The following TP53AIP1 variants were observed in gnomAD, a reference collection of about 807,000 sequenced individuals.
TP53AIP1 encodes p53-regulated apoptosis-inducing protein 1.
TP53AIP1 carries 14 observed loss-of-function variants against 9.5 expected under a neutral mutation model. That is an observed-to-expected ratio of 1.47 (90% CI 0.97 to 2.30). The LOEUF (loss-of-function observed/expected upper bound fraction) is 2.30. Among genes scored for constraint, TP53AIP1 ranks in the 30% most tolerant of loss-of-function variants. The pLI is 0.00. For synonymous variants in TP53AIP1, 73 were observed against 61.2 expected, an observed-to-expected ratio of 1.19 and a Z score of -0.90; for missense variants, 153 against 146.7, an observed-to-expected ratio of 1.04 and a Z score of -0.22.
chr11:128,942,287 C>T (rs1393765538), intron 1 of TP53AIP1, among the ~76,000 whole-genome samples: 1 of 152,196 alleles, frequency 6.6e-6, no homozygotes, highest in Non-Finnish European at 1.5e-5. Context: ...AAGTGGCCTC[C>T]ATACAGGCTT....
At position 128,935,550 on chromosome 11, in the gene TP53AIP1, T is replaced by C; in HGVS notation, c.*41A>G. 6.5e-7 allele frequency: 1 copy of C among 1,527,922 alleles called. No homozygotes were observed. Among genetic ancestry groups the C allele is most frequent in the Non-Finnish European group, 8.7e-7 (1 of 1,144,178 alleles). The allele number at this position is 1,527,922 out of a possible 1,614,324, so 94.6% of individuals were successfully genotyped here. A position where few individuals can be genotyped will look rare whatever the true frequency, so the allele number is the denominator to read the frequency against. On this transcript the variant is annotated 3_prime_UTR_variant, in exon 4 of 4. Transcript: ENST00000531399. ...TGTTTTTGTTTTGAGATGGAGTCTC[T>C]CTCTGTCGCCCAGGCTGGAGTGCAG...
intron 1 of TP53AIP1, among the ~76,000 whole-genome samples, chr11:128,938,644 A>G (rs1944882701): frequency 6.6e-6 from 1 of 152,112 alleles, no homozygotes; most frequent in Non-Finnish European, 1.5e-5. Context: ...CCCAGGGTCT[A>G]GGGAGAAGCT....
chr11:128,935,034 C>A (rs1319127056), downstream of TP53AIP1: 1 of 703,038 alleles, frequency 1.4e-6, no homozygotes, highest in Admixed American at 2.0e-5. Flanking sequence ...GCCAGGCAAG[C>A]TCTTACTGCA....
chr11:128,935,156 C>A, downstream of TP53AIP1: 1 of 865,122 alleles, frequency 1.2e-6, no homozygotes, highest in Non-Finnish European at 1.9e-6. Flanking sequence ...GGGCCCGGGG[C>A]TTGCTGGTTG....
Position 128,937,380 on chromosome 11 carries a change from C to G in TP53AIP1, c.141+298G>C. ...TCACTTTCTGGATGCAGCCAGGCACCACCTTCCTTCCAAAAGCCTTGTTTC... is the reference window on the plus strand; with the variant it reads ...TCACTTTCTGGATGCAGCCAGGCACGACCTTCCTTCCAAAAGCCTTGTTTC... On this transcript the variant is annotated intron_variant, in intron 2 of 3. Transcript: ENST00000531399. This position sits in a 1 kb window ranked among gnomAD's most constrained non-coding sequence, Gnocchi z 4.8. 7.0e-7 allele frequency: 1 copy of G among 1,426,786 alleles called. No individual in the cohort carries two copies. Among genetic ancestry groups the G allele is most frequent in the South Asian group, 1.5e-5 (1 of 64,926 alleles). 88.4% of individuals were successfully genotyped at this position (1,426,786 alleles called of 1,614,324 possible).
rs780459380 is a variant in TP53AIP1 at position 128,936,682 on chromosome 11, T to G, written c.142-33A>C. 3.9e-6 allele frequency: 6 copies of G among 1,547,820 alleles called. No individual in the cohort carries two copies. The South Asian group carries it at 7.1e-5, about 18-fold the overall frequency. The stretch of plus-strand genomic sequence containing the variant: ...GAAATGGAAGCAGACTGTGAGGCCC[T>G]GCAGCGCCGTCTCTTGGATGGTTTA... On this transcript the variant is annotated intron_variant, in intron 2 of 3. Coordinates refer to ENST00000531399, the MANE Select transcript of TP53AIP1 (RefSeq NM_022112.3).
At chr11:128,934,746 T>C (rs1944776572), downstream of TP53AIP1, 2 of 421,142 alleles carry the variant, frequency 4.7e-6, no homozygotes, top group Admixed American at 7.6e-5. Flanking sequence ...GTGCACATCA[T>C]TTATTTGGAA....
intron 1 of TP53AIP1, among the ~76,000 whole-genome samples, chr11:128,941,148 G>T (rs905212834): frequency 6.6e-6 from 1 of 152,124 alleles, no homozygotes; most frequent in South Asian, 2.1e-4. Flanking sequence ...GAGGAAATGG[G>T]ACTTGCTCCA....
downstream of TP53AIP1, chr11:128,935,126 A>T (rs2136015408): frequency 1.4e-6 from 1 of 719,248 alleles, no homozygotes; most frequent in Non-Finnish European, 2.5e-6. Flanking sequence ...TGTCCACTGC[A>T]GCTGGGGGAC....
chr11:128,936,325 C>A, intron 3 of TP53AIP1: 1 of 1,354,460 alleles, frequency 7.4e-7, no homozygotes, highest in Non-Finnish European at 9.5e-7. Flanking sequence ...TTAAGTGTAC[C>A]GTTACCTTTT....
Position 128,937,036 on chromosome 11 carries a change from G to A in TP53AIP1, c.142-387C>T, listed in dbSNP as rs1182239917. On this transcript the variant is annotated intron_variant, in intron 2 of 3. Coordinates refer to ENST00000531399, the MANE Select transcript of TP53AIP1 (RefSeq NM_022112.3). This position sits in a 1 kb window ranked among gnomAD's most constrained non-coding sequence, Gnocchi z 4.8. ...TGTGGGCCTCCAGGGAGGTGTAGGC[G>A]CTCCTGGCTCCTGGCAGACTCCTGG... 6 of 1,050,470 alleles carry A rather than the reference G, an allele frequency of 5.7e-6. No homozygotes were observed. Among genetic ancestry groups the A allele is most frequent in the East Asian group, 1.6e-4 (2 of 12,364 alleles). 65.1% of individuals were successfully genotyped at this position (1,050,470 alleles called of 1,614,324 possible). A position where few individuals can be genotyped will look rare whatever the true frequency, so the allele number is the denominator to read the frequency against.
chr11:128,938,629 G>A (rs965601117), intron 1 of TP53AIP1, among the ~76,000 whole-genome samples: 12 of 152,168 alleles, frequency 7.9e-5, no homozygotes, highest in Middle Eastern at 3.4e-3. Flanking sequence ...GCAAGTCCCC[G>A]GTGGCCCAGG....
At chr11:128,941,821 C>T (rs2136029288) in intron 1 of TP53AIP1, among the ~76,000 whole-genome samples, 1 of 152,354 alleles carries the variant, frequency 6.6e-6, no homozygotes, top group South Asian at 2.1e-4. Flanking sequence ...CCCCACCCAC[C>T]TTCCCCTGCT....
At chr11:128,936,027 CA>C in intron 3 of TP53AIP1, 1 of 810,346 alleles carries the variant, frequency 1.2e-6, no homozygotes, top group Non-Finnish European at 1.5e-6. Context: ...TCATTTTACC[CA>C]CACAGTGAAT....
At position 128,936,129 on chromosome 11, in the gene TP53AIP1, C is replaced by T; in HGVS notation, c.253+409G>A. The T allele has an allele frequency of 3.0e-6, 3 of 1,004,038 alleles. No individual in the cohort carries two copies. In the South Asian group the frequency reaches 1.2e-4, roughly 39 times the overall value. The allele number at this position is 1,004,038 out of a possible 1,614,324, so 62.2% of individuals were successfully genotyped here. ...TTGTCCTGCCCATGTACACACAGCTCCTAAGTGGTAGAGTCAGGATTTGAA... is the reference window on the plus strand; with the variant it reads ...TTGTCCTGCCCATGTACACACAGCTTCTAAGTGGTAGAGTCAGGATTTGAA... On this transcript the variant is annotated intron_variant, in intron 3 of 3. Transcript: ENST00000531399.
rs1006264396 is a variant in TP53AIP1 at position 128,935,387 on chromosome 11, T to G, written c.*204A>C. The G allele has an allele frequency of 1.4e-6, 2 of 1,415,714 alleles. No individual in the cohort carries two copies. The highest frequency in any genetic ancestry group is 1.8e-6 in the Non-Finnish European group (2 of 1,091,082). The allele number at this position is 1,415,714 out of a possible 1,614,324, so 87.7% of individuals were successfully genotyped here. A position where few individuals can be genotyped will look rare whatever the true frequency, so the allele number is the denominator to read the frequency against. ...CACAAGAATTTTTTTCCAGCTTTTA[T>G]TTCAGATTTGGGGATACAGAAGGAT... On this transcript the variant is annotated 3_prime_UTR_variant, in exon 4 of 4. Coordinates refer to ENST00000531399, the MANE Select transcript of TP53AIP1 (RefSeq NM_022112.3).
intron 1 of TP53AIP1, among the ~76,000 whole-genome samples, chr11:128,938,962 C>T (rs1453679571): frequency 6.6e-6 from 1 of 152,152 alleles, no homozygotes; most frequent in African/African-American, 2.4e-5. Flanking sequence ...TCCCACCCTC[C>T]CCATTCTAGT....
chr11:128,935,404 C>T lies in TP53AIP1; in HGVS notation c.*187G>A, dbSNP rs1944792524. 7.1e-7 allele frequency: 1 copy of T among 1,417,038 alleles called. No homozygotes were observed. The highest frequency in any genetic ancestry group is 2.5e-5 in the East Asian group (1 of 39,242). 87.8% of individuals were successfully genotyped at this position (1,417,038 alleles called of 1,614,324 possible). A position where few individuals can be genotyped will look rare whatever the true frequency, so the allele number is the denominator to read the frequency against. On this transcript the variant is annotated 3_prime_UTR_variant, in exon 4 of 4. Coordinates refer to ENST00000531399, the MANE Select transcript of TP53AIP1 (RefSeq NM_022112.3). The stretch of plus-strand genomic sequence containing the variant: ...AGCTTTTATTTCAGATTTGGGGATA[C>T]AGAAGGATGCAAAATGAGGCAACCT...
chr11:128,935,148 G>A (rs937641865), downstream of TP53AIP1: 11 of 801,760 alleles, frequency 1.4e-5, no homozygotes, highest in South Asian at 2.9e-5. Context: ...CCCAGCGGGG[G>A]CCCGGGGCTT....
Sources: allele counts gnomAD v4.1 joint callset (sites outside exome capture counted in the v4.1 genomes callset), GRCh38; gene constraint gnomAD v4.1.1; non-coding constraint Gnocchi (gnomAD v3.1); transcripts MANE v1.5; gene names NCBI Gene and HGNC (gene_info 2026-07-23, HGNC 2026-07-21).